Variants in GPHN observed in about 807,000 individuals in gnomAD.
GPHN encodes gephyrin.
A neutral mutation model predicts 95.5 loss-of-function variants in GPHN; 17 were observed. The observed-to-expected ratio is 0.18, with a 90% CI of 0.12 to 0.27. The LOEUF is 0.27. Ranked by LOEUF, GPHN falls within the 10% of genes least tolerant of loss-of-function variation. The probability of loss-of-function intolerance (pLI) is 1.00; values close to 1 mark genes in which losing one functional copy is unlikely to be tolerated. For missense variants in GPHN, 660 were observed against 978.1 expected, an observed-to-expected ratio of 0.67 and a Z score of 4.34; for synonymous variants, 320 against 322.5, an observed-to-expected ratio of 0.99 and a Z score of 0.08.
At chr14:66,858,168 A>G (rs1333302450) in intron 4 of GPHN, among the ~76,000 whole-genome samples, 1 of 151,970 alleles carries the variant, frequency 6.6e-6, no homozygotes, top group Non-Finnish European at 1.5e-5. Context: ...GGGGCACATG[A>G]CCTACTAAGA....
chr14:66,750,351 A>G (rs1301066346), intron 2 of GPHN, among the ~76,000 whole-genome samples: 4 of 151,896 alleles, frequency 2.6e-5, no homozygotes, highest in Non-Finnish European at 4.4e-5. Context: ...CTGGGATTCC[A>G]ATTTTGGCTC....
intron 3 of GPHN, among the ~76,000 whole-genome samples, chr14:66,783,898 C>T (rs532480867): frequency 3.3e-5 from 5 of 152,080 alleles, no homozygotes; most frequent in East Asian, 1.9e-4. Flanking sequence ...TGTTACATTG[C>T]GACATGGGGG....
chr14:67,609,865 G>A, the GPHN span, among the ~76,000 whole-genome samples: 4 of 151,738 alleles, frequency 2.6e-5, no homozygotes, highest in African/African-American at 4.9e-5. Flanking sequence ...GAGGAGAGGA[G>A]TTTCTTGGCC....
At chr14:66,729,765 G>A (rs1390028187) in intron 2 of GPHN, among the ~76,000 whole-genome samples, 2 of 152,226 alleles carry the variant, frequency 1.3e-5, no homozygotes, top group African/African-American at 4.8e-5. Flanking sequence ...TAGCAACAGT[G>A]AAGGTGGAAT....
At chr14:67,439,704 T>C in the GPHN span, among the ~76,000 whole-genome samples, 1 of 152,178 alleles carries the variant, frequency 6.6e-6, no homozygotes, top group African/African-American at 2.4e-5. Flanking sequence ...TAGCGCAATA[T>C]AGAAAAACAA....
rs1233876470 is a variant in GPHN, at chr14:66,616,639, ATTGCTCCTGTATAGGGTGTC to A, written c.65-64466_65-64447del. On this transcript the variant is annotated intron_variant, in intron 1 of 22. Transcript: ENST00000478722. ...AGGGGCACCAGCCTATGCCAGTAGG[ATTGCTCCTGTATAGGGTGTC>A]TGACAACCCCTGTTGGAGGGTCTCA... is the stretch of plus-strand genomic sequence containing the variant. Among the ~76,000 whole-genome samples, 17 of 152,122 alleles carry A rather than the reference ATTGCTCCTGTATAGGGTGTC, an allele frequency of 1.1e-4. No individual in the cohort carries two copies. The East Asian group carries it at 1.7e-3, about 16-fold the overall frequency.
chr14:66,784,253 G>A (rs117163980), intron 3 of GPHN, among the ~76,000 whole-genome samples: 1,795 of 152,218 alleles, frequency 0.012, 18 homozygotes, highest in Non-Finnish European at 0.018. Flanking sequence ...GGCAACAGAC[G>A]GAAGTGGCAC....
intron 4 of GPHN, among the ~76,000 whole-genome samples, chr14:66,829,872 A>G (rs1389731447): frequency 6.6e-6 from 1 of 152,174 alleles, no homozygotes; most frequent in Non-Finnish European, 1.5e-5. Flanking sequence ...CCACAAGCCA[A>G]ATCCAGCCTG....
At chr14:67,273,033 G>C in the GPHN span, among the ~76,000 whole-genome samples, 23,366 of 151,292 alleles carry the variant, frequency 0.15, 3,538 homozygotes, top group East Asian at 0.42. Context: ...GTTGAGGACC[G>C]CATTTCTAAT....
chr14:66,532,585 C>A (rs2139964016), intron 1 of GPHN, among the ~76,000 whole-genome samples: 1 of 152,270 alleles, frequency 6.6e-6, no homozygotes, highest in East Asian at 1.9e-4. Context: ...AAACTATCCT[C>A]AGTATATCAT....
At chr14:67,368,668 T>TA in the GPHN span, among the ~76,000 whole-genome samples, 23,542 of 152,036 alleles carry the variant, frequency 0.15, 3,451 homozygotes, top group East Asian at 0.42. Context: ...TAACGATTCT[T>TA]ACATTTTATG....
chr14:67,587,603 G>T, the GPHN span: 10 of 289,048 alleles, frequency 3.5e-5, no homozygotes, highest in Admixed American at 1.5e-4. Context: ...TTCTGGGGGG[G>T]GCGGGGGACA....
intron 1 of GPHN, among the ~76,000 whole-genome samples, chr14:66,509,848 GA>G (rs2057970355): frequency 6.6e-6 from 1 of 151,864 alleles, no homozygotes; most frequent in Non-Finnish European, 1.5e-5. Flanking sequence ...TTATTAGGTA[GA>G]AAAAAAATGT....
chr14:67,337,228 C>CT, the GPHN span, among the ~76,000 whole-genome samples: 1 of 152,190 alleles, frequency 6.6e-6, no homozygotes, highest in Non-Finnish European at 1.5e-5. Flanking sequence ...ACTGCCTAGA[C>CT]TGGCTGGGCA....
At chr14:66,513,851 T>G (rs1196576064) in intron 1 of GPHN, among the ~76,000 whole-genome samples, 2 of 151,850 alleles carry the variant, frequency 1.3e-5, no homozygotes, top group Non-Finnish European at 2.9e-5. Flanking sequence ...AAATTAATTT[T>G]AACTAAGTAG....
At chr14:67,545,308 A>G in the GPHN span, among the ~76,000 whole-genome samples, 2 of 152,234 alleles carry the variant, frequency 1.3e-5, no homozygotes, top group South Asian at 4.1e-4. Flanking sequence ...ACAAACAGAA[A>G]TGTAGTCTTT....
At chr14:67,395,490 C>T in the GPHN span, 39 of 1,613,916 alleles carry the variant, frequency 2.4e-5, no homozygotes, top group Middle Eastern at 1.6e-4. Context: ...TGAATAGCCC[C>T]GGTGATCTCA....
At chr14:66,700,858 G>T (rs1595602425) in intron 2 of GPHN, among the ~76,000 whole-genome samples, 1 of 152,014 alleles carries the variant, frequency 6.6e-6, no homozygotes, top group Non-Finnish European at 1.5e-5. Flanking sequence ...GGAGACAGGG[G>T]TTGCAGTGAG....
intron 18 of GPHN, among the ~76,000 whole-genome samples, chr14:67,146,696 C>T (rs1250843045): frequency 6.6e-6 from 1 of 152,180 alleles, no homozygotes; most frequent in Admixed American, 6.5e-5. Context: ...ATGTAAGCTC[C>T]TTGATTTGTT....
Sources: gnomAD v4.1 joint callset for allele counts (sites outside exome capture counted in the v4.1 genomes callset) on GRCh38, gnomAD v4.1.1 for gene constraint, MANE v1.5 for transcripts, NCBI Gene and HGNC (gene_info 2026-07-23, HGNC 2026-07-21) for gene names.